Variants in SAMD4A observed in about 807,000 individuals in gnomAD.
SAMD4A encodes the protein protein Smaug homolog 1.
A neutral mutation model predicts 81.3 loss-of-function variants in SAMD4A; 33 were observed. That is an observed-to-expected ratio of 0.41 (90% CI 0.31 to 0.54). The LOEUF (loss-of-function observed/expected upper bound fraction) is 0.54, where lower values mean the gene tolerates loss of function less well. Ranked by LOEUF, SAMD4A falls within the 20% of genes least tolerant of loss-of-function variation. The pLI is 0.37. For synonymous variants in SAMD4A, 389 were observed against 382.1 expected (o/e 1.02, Z -0.21); for missense variants, 854 against 951.1 (o/e 0.90, Z 1.34).
chr14:54,624,801 A>G (rs374996918), intron 2 of SAMD4A, among the ~76,000 whole-genome samples: 1 of 152,160 alleles, frequency 6.6e-6, no homozygotes, highest in African/African-American at 2.4e-5. Context: ...GTTTGGAGGT[A>G]AGTGGCCATA....
At chr14:54,596,325 C>G (rs2033909829) in intron 2 of SAMD4A, among the ~76,000 whole-genome samples, 1 of 152,216 alleles carries the variant, frequency 6.6e-6, no homozygotes, top group South Asian at 2.1e-4. Context: ...TGGCTCATGC[C>G]TGTAATCCCA....
intron 2 of SAMD4A, chr14:54,652,825 C>T (rs758636690): frequency 7.9e-5 from 12 of 152,150 alleles, no homozygotes; most frequent in African/African-American, 2.4e-4. Context: ...CAAGATGCCA[C>T]GAGACCTCGC....
intron 2 of SAMD4A, among the ~76,000 whole-genome samples, chr14:54,609,332 A>C (rs2034298520): frequency 6.6e-6 from 1 of 152,248 alleles, no homozygotes; most frequent in Non-Finnish European, 1.5e-5. Context: ...AGAGGTTGGA[A>C]GAGGCAAGGA....
chr14:54,565,631 G>C (rs997566797), upstream of SAMD4A, among the ~76,000 whole-genome samples: 1 of 151,190 alleles, frequency 6.6e-6, no homozygotes. The surrounding 1 kb of genome is among the most constrained non-coding windows in gnomAD (Gnocchi z 5.4). Flanking sequence ...AAACACCTCG[G>C]CCACCCCGGG....
intron 2 of SAMD4A, among the ~76,000 whole-genome samples, chr14:54,640,801 G>C (rs2035156886): frequency 6.6e-6 from 1 of 152,076 alleles, no homozygotes. Flanking sequence ...GCCGTGGGGA[G>C]AGAGAATGCT....
At chr14:54,709,542 G>A (rs975102315) in intron 3 of SAMD4A, among the ~76,000 whole-genome samples, 4 of 152,042 alleles carry the variant, frequency 2.6e-5, no homozygotes, top group African/African-American at 9.7e-5. Context: ...TGAAAAATCT[G>A]TTATGCAGCC....
chr14:54,605,094 A>G (rs942325436), intron 2 of SAMD4A, among the ~76,000 whole-genome samples: 30 of 152,192 alleles, frequency 2.0e-4, no homozygotes, highest in African/African-American at 7.2e-4. Context: ...TTAACAAGCT[A>G]GTTTTCCTGC....
chr14:54,707,213 C>T (rs1240193259), intron 3 of SAMD4A, among the ~76,000 whole-genome samples: 2 of 151,068 alleles, frequency 1.3e-5, no homozygotes, highest in Non-Finnish European at 1.5e-5. Flanking sequence ...AAGCAATCCT[C>T]CCACCTCAGC....
chr14:54,781,753 G>A (rs2039004443), intron 11 of SAMD4A, among the ~76,000 whole-genome samples: 1 of 152,260 alleles, frequency 6.6e-6, no homozygotes. Flanking sequence ...ATGTTGGTCT[G>A]TGGGGCAAGA....
At chr14:54,611,679 C>A (rs1180664578) in intron 2 of SAMD4A, among the ~76,000 whole-genome samples, 9 of 151,948 alleles carry the variant, frequency 5.9e-5, no homozygotes. Context: ...GAGTTCGAGA[C>A]CAGCCTGGAT....
chr14:54,663,778 C>A (rs925034430), intron 2 of SAMD4A, among the ~76,000 whole-genome samples: 1 of 152,180 alleles, frequency 6.6e-6, no homozygotes, highest in Non-Finnish European at 1.5e-5. Context: ...CTTAATCCAT[C>A]TGCCAGTTAA....
chr14:54,663,858 C>T (rs765557359), intron 2 of SAMD4A, among the ~76,000 whole-genome samples: 1 of 152,188 alleles, frequency 6.6e-6, no homozygotes, highest in African/African-American at 2.4e-5. Context: ...ATGGGCTGCT[C>T]TCCAGTGAGC....
chr14:54,585,007 G>A (rs780454413), intron 2 of SAMD4A, among the ~76,000 whole-genome samples: 2 of 151,940 alleles, frequency 1.3e-5, no homozygotes, highest in Non-Finnish European at 2.9e-5. Context: ...TTTTCATTTT[G>A]TTGGCTATAT....
At chr14:54,768,815 T>G (rs1270332581) in intron 8 of SAMD4A, among the ~76,000 whole-genome samples, 1 of 152,214 alleles carries the variant, frequency 6.6e-6, no homozygotes, top group Non-Finnish European at 1.5e-5. Context: ...CTCAATGACG[T>G]TTCTGCCACA....
chr14:54,693,431 T>A (rs1309436225), intron 2 of SAMD4A: 1 of 152,202 alleles, frequency 6.6e-6, no homozygotes, highest in Non-Finnish European at 1.5e-5. Context: ...GCGCAGTGCC[T>A]CATGCCTGTA....
Position 54,702,542 on chromosome 14 carries a change from C to G in SAMD4A, c.677C>G (p.Pro226Arg). The G allele has an allele frequency of 6.2e-7, 1 of 1,614,116 alleles. No homozygotes were observed. Among genetic ancestry groups the G allele is most frequent in the Non-Finnish European group, 8.5e-7 (1 of 1,179,990 alleles). The change falls in exon 3 of 13, where the codon CCC (proline) becomes CGC (arginine). Residue 226 changes from proline (P) to arginine (R), a missense_variant. Transcript: ENST00000554335. ...CCCCTCTACTCCTCCTCATCTGTCC[C>G]CACCACAATCAATACGATTGGAACC... ...HVPLYSSSSV[P>R]TTINTIGTST... is the part of the protein sequence containing the mutation.
intron 8 of SAMD4A, among the ~76,000 whole-genome samples, chr14:54,767,777 C>T (rs1040592762): frequency 6.6e-6 from 1 of 152,194 alleles, no homozygotes; most frequent in Non-Finnish European, 1.5e-5. Context: ...ATGCAGATCC[C>T]CCATAACTGA....
rs549081730 is a variant in SAMD4A, at chr14:54,766,132, A to G, written c.1596+1592A>G. ...CCCTAGAGCACCCAGGCATTGTCAAAAGCCCGTACTGAAGGCTTATTTGTG... is the reference window on the plus strand; with the variant it reads ...CCCTAGAGCACCCAGGCATTGTCAAGAGCCCGTACTGAAGGCTTATTTGTG... On this transcript the variant is annotated intron_variant, in intron 8 of 12. Transcript: ENST00000554335. Among the ~76,000 whole-genome samples the G allele has an allele frequency of 2.6e-5, 4 of 152,270 alleles. No individual in the cohort carries two copies. In the South Asian group the frequency reaches 8.3e-4, roughly 32 times the overall value.
At chr14:54,572,395 G>A (rs919798229) in intron 2 of SAMD4A, among the ~76,000 whole-genome samples, 8 of 152,170 alleles carry the variant, frequency 5.3e-5, no homozygotes, top group Non-Finnish European at 8.8e-5. Flanking sequence ...GGTCAAGAAG[G>A]TATCTCCCAT....
Sources: gnomAD v4.1 joint callset for allele counts (sites outside exome capture counted in the v4.1 genomes callset) on GRCh38, gnomAD v4.1.1 for gene constraint, Gnocchi (gnomAD v3.1) non-coding constraint, MANE v1.5 for transcripts, NCBI Gene and HGNC (gene_info 2026-07-23, HGNC 2026-07-21) for gene names.